ADAMTS2: variants seen among roughly 807,000 people sequenced by gnomAD.
The protein encoded by ADAMTS2 is A disintegrin and metalloproteinase with thrombospondin motifs 2.
ADAMTS2 carries 50 observed loss-of-function variants against 123.0 expected under a neutral mutation model. The observed-to-expected ratio is 0.41, with a 90% confidence interval of 0.32 to 0.51. The LOEUF is 0.51. ADAMTS2 is among the 20% of genes least tolerant of loss of function. ADAMTS2 has a pLI of 0.35. For synonymous variants in ADAMTS2, 678 were observed against 695.4 expected, an observed-to-expected ratio of 0.98 and a Z score of 0.39; for missense variants, 1,494 against 1,705.2, an observed-to-expected ratio of 0.88 and a Z score of 2.18.
chr5:179,221,173 G>A (rs1765115988), intron 3 of ADAMTS2, among the ~76,000 whole-genome samples: 1 of 152,146 alleles, frequency 6.6e-6, no homozygotes, highest in African/African-American at 2.4e-5. Context: ...CAGGCACCAG[G>A]GACTTCACAC....
At chr5:179,328,588 C>G (rs915673027) in intron 2 of ADAMTS2, among the ~76,000 whole-genome samples, 9 of 152,200 alleles carry the variant, frequency 5.9e-5, no homozygotes, top group African/African-American at 2.2e-4. Flanking sequence ...ACTAATGTGT[C>G]ATTTTTAACT....
chr5:179,281,480 T>A (rs760235663), intron 2 of ADAMTS2, among the ~76,000 whole-genome samples: 4 of 152,242 alleles, frequency 2.6e-5, no homozygotes, highest in Admixed American at 1.3e-4. Context: ...TCACTTAGTA[T>A]GTTTTCAAGG....
intron 2 of ADAMTS2, among the ~76,000 whole-genome samples, chr5:179,295,444 C>A (rs974940740): frequency 1.3e-5 from 2 of 152,154 alleles, no homozygotes; most frequent in Non-Finnish European, 2.9e-5. Flanking sequence ...TCGTCCTGCC[C>A]GCAGCTCTGT....
chr5:179,170,220 A>G lies in ADAMTS2; in HGVS notation c.975+10852T>C, dbSNP rs2113290301. On this transcript the variant is annotated intron_variant, in intron 5 of 21. Coordinates refer to ENST00000251582, the MANE Select transcript of ADAMTS2 (RefSeq NM_014244.5). The surrounding 1 kb of genome is among the most constrained non-coding windows in gnomAD (Gnocchi z 4.3). ...ACATGTCACTCAAACAAGTGCTACC[A>G]ATTTTATCCCCACTGGAGCCTGGTG... 6.6e-6 allele frequency among the ~76,000 whole-genome samples: 1 copy of G among 152,294 alleles called. No individual in the cohort carries two copies. The highest frequency in any genetic ancestry group is 3.4e-3 in the Middle Eastern group (1 of 294).
At chr5:179,141,224 A>AGAAGACGGGGCTG (rs1342770441) in intron 10 of ADAMTS2, among the ~76,000 whole-genome samples, 3 of 152,128 alleles carry the variant, frequency 2.0e-5, no homozygotes, top group African/African-American at 7.2e-5. Context: ...TTCTCAGCAA[A>AGAAGACGGGGCTG]CCATTCCTCA....
intron 2 of ADAMTS2, among the ~76,000 whole-genome samples, chr5:179,328,409 T>C (rs1003735690): frequency 6.6e-6 from 1 of 152,220 alleles, no homozygotes; most frequent in Non-Finnish European, 1.5e-5. Context: ...AGAGACTGCT[T>C]TGCTAAGACA....
rs1179751961 is a variant in ADAMTS2, at chr5:179,202,952, G to T, written c.891+4561C>A. ...CTCCACACCAGCTACAAGGGAGACT[G>T]GGGAGGGGAGCACAGGGGTGATCGA... On this transcript the variant is annotated intron_variant, in intron 4 of 21. Transcript: ENST00000251582. The surrounding 1 kb of genome is among the most constrained non-coding windows in gnomAD (Gnocchi z 4.0). Among the ~76,000 whole-genome samples, 1 of 152,208 alleles carries T rather than the reference G, an allele frequency of 6.6e-6. No individual in the cohort carries two copies. The highest frequency in any genetic ancestry group is 1.9e-4 in the East Asian group (1 of 5,182).
chr5:179,292,406 G>T (rs1243052015), intron 2 of ADAMTS2, among the ~76,000 whole-genome samples: 1 of 151,806 alleles, frequency 6.6e-6, no homozygotes, highest in East Asian at 1.9e-4. Flanking sequence ...AGAACAGGAA[G>T]AGATAGCTCC....
chr5:179,223,454 ACTCACACAC>A (rs1561814142), intron 3 of ADAMTS2, among the ~76,000 whole-genome samples: 3 of 149,906 alleles, frequency 2.0e-5, no homozygotes, highest in African/African-American at 7.5e-5. Flanking sequence ...ACACACGCAC[ACTCACACAC>A]GAATGCACTC....
At chr5:179,333,886 G>T (rs1432000561) in intron 2 of ADAMTS2, among the ~76,000 whole-genome samples, 1 of 152,124 alleles carries the variant, frequency 6.6e-6, no homozygotes, top group East Asian at 1.9e-4. Flanking sequence ...GAGCCACTGT[G>T]CCCCGCCTAC....
chr5:179,343,009 C>T (rs1757825893), intron 2 of ADAMTS2, among the ~76,000 whole-genome samples: 1 of 152,228 alleles, frequency 6.6e-6, no homozygotes, highest in African/African-American at 2.4e-5. Context: ...GATCGAGCAG[C>T]TCATGGGCAC....
intron 13 of ADAMTS2, among the ~76,000 whole-genome samples, 200 bp from the exon 14 acceptor site, chr5:179,133,100 CAGTT>C (rs1239939961): frequency 6.6e-6 from 1 of 151,918 alleles, no homozygotes; most frequent in Non-Finnish European, 1.5e-5. Flanking sequence ...GTCTAGTCAT[CAGTT>C]AAACGGACCT....
intron 4 of ADAMTS2, among the ~76,000 whole-genome samples, chr5:179,182,110 G>A (rs1244593113): frequency 5.9e-5 from 9 of 152,258 alleles, no homozygotes; most frequent in African/African-American, 1.9e-4. Context: ...AAGGCCCCCC[G>A]CAGGCCTGAG....
rs1458826074 is a variant in ADAMTS2, at chr5:179,202,733, C to T, written c.891+4780G>A. ...ACCGCACACCGTGTTTCCTTACTCA[C>T]ACCATGGCGCGGGGTGGGTCGGGAG... On this transcript the variant is annotated intron_variant, in intron 4 of 21. Transcript: ENST00000251582. The surrounding 1 kb of genome is among the most constrained non-coding windows in gnomAD (Gnocchi z 4.0). Among the ~76,000 whole-genome samples the T allele has an allele frequency of 1.3e-5, 2 of 152,100 alleles. No individual in the cohort carries two copies. The highest frequency in any genetic ancestry group is 2.9e-5 in the Non-Finnish European group (2 of 68,020).
intron 3 of ADAMTS2, among the ~76,000 whole-genome samples, chr5:179,209,252 C>T (rs76370089): frequency 0.023 from 3,433 of 152,310 alleles, 100 homozygotes; most frequent in African/African-American, 0.071. Flanking sequence ...CCAGCATGGC[C>T]GACTCTCGGC....
chr5:179,247,573 C>T (rs1194949390), intron 3 of ADAMTS2, among the ~76,000 whole-genome samples: 1 of 152,140 alleles, frequency 6.6e-6, no homozygotes, highest in Non-Finnish European at 1.5e-5. Flanking sequence ...CATCAAGATA[C>T]ATTGTAATCA....
intron 3 of ADAMTS2, among the ~76,000 whole-genome samples, chr5:179,211,679 C>T (rs1317219293): frequency 1.3e-5 from 2 of 152,230 alleles, no homozygotes; most frequent in Admixed American, 6.5e-5. Context: ...GGGGAGGCAG[C>T]AGTTCTGTCC....
intron 10 of ADAMTS2, among the ~76,000 whole-genome samples, chr5:179,150,443 C>A (rs1763333113): frequency 6.6e-6 from 1 of 152,234 alleles, no homozygotes; most frequent in Non-Finnish European, 1.5e-5. Context: ...CACCAATTCC[C>A]AGGTCTTCGA....
chr5:179,325,169 C>A (rs1197601322), intron 2 of ADAMTS2, among the ~76,000 whole-genome samples: 1 of 152,144 alleles, frequency 6.6e-6, no homozygotes, highest in Non-Finnish European at 1.5e-5. Flanking sequence ...GAGCTCCTGT[C>A]CCAGGCCCAC....
Sources: allele counts gnomAD v4.1 joint callset (sites outside exome capture counted in the v4.1 genomes callset), GRCh38; gene constraint gnomAD v4.1.1; non-coding constraint Gnocchi (gnomAD v3.1); transcripts MANE v1.5; gene names NCBI Gene and HGNC (gene_info 2026-07-23, HGNC 2026-07-21).